Variants in KALRN observed in about 807,000 individuals in gnomAD.
KALRN encodes the protein kalirin RhoGEF kinase.
A neutral mutation model predicts 353.7 loss-of-function variants in KALRN; 70 were observed. That is an observed-to-expected ratio of 0.20 (90% CI 0.16 to 0.24). The LOEUF (loss-of-function observed/expected upper bound fraction) is 0.24. Ranked by LOEUF, KALRN falls within the 10% of genes least tolerant of loss-of-function variation. KALRN has a pLI of 1.00. For synonymous variants in KALRN, 1,391 were observed against 1,434.8 expected, an observed-to-expected ratio of 0.97 and a Z score of 0.69; for missense variants, 2,791 against 3,756.7, an observed-to-expected ratio of 0.74 and a Z score of 6.72.
At chr3:124,518,792 A>G (rs1237624629) in intron 33 of KALRN, 4 of 1,248,668 alleles carry the variant, frequency 3.2e-6, no homozygotes, top group South Asian at 4.4e-5. Flanking sequence ...AACAGCAGGT[A>G]CGCCCAGGCT....
At chr3:124,038,429 A>T (rs886955295) in intron 1 of KALRN, among the ~76,000 whole-genome samples, 2 of 152,150 alleles carry the variant, frequency 1.3e-5, no homozygotes, top group African/African-American at 2.4e-5. Flanking sequence ...GTTTTTTGTT[A>T]GAGTCACAGC....
At chr3:124,217,532 A>G (rs1476848906) in intron 1 of KALRN, among the ~76,000 whole-genome samples, 3 of 152,122 alleles carry the variant, frequency 2.0e-5, no homozygotes, top group Non-Finnish European at 2.9e-5. Flanking sequence ...ACTTGAAAAC[A>G]ATACCAAAAA....
chr3:124,114,055 A>T (rs1418310279), intron 1 of KALRN, among the ~76,000 whole-genome samples: 1 of 152,142 alleles, frequency 6.6e-6, no homozygotes, highest in African/African-American at 2.4e-5. Context: ...GAGAAAGGTA[A>T]GAGAAAGGGT....
At chr3:124,078,911 T>C (rs2060394989) in intron 1 of KALRN, among the ~76,000 whole-genome samples, 1 of 152,222 alleles carries the variant, frequency 6.6e-6, no homozygotes, top group Non-Finnish European at 1.5e-5. Context: ...CCAACAGCTG[T>C]GGCTGGAGAC....
chr3:124,377,736 G>A (rs2086782976), intron 10 of KALRN, among the ~76,000 whole-genome samples: 2 of 152,112 alleles, frequency 1.3e-5, no homozygotes, highest in African/African-American at 4.8e-5. Context: ...AAGCATAACT[G>A]TTTAGGGTTA....
chr3:124,381,710 T>TTG (rs2087410192), intron 10 of KALRN, among the ~76,000 whole-genome samples: 1 of 152,204 alleles, frequency 6.6e-6, no homozygotes, highest in African/African-American at 2.4e-5. Context: ...GCCTACTCAT[T>TTG]TGTGTCTTGT....
intron 1 of KALRN, among the ~76,000 whole-genome samples, chr3:124,179,658 G>A (rs532460780): frequency 3.9e-5 from 6 of 152,300 alleles, no homozygotes; most frequent in East Asian, 1.9e-4. Context: ...CACCACATAC[G>A]TGAGTAATGT....
intron 37 of KALRN, among the ~76,000 whole-genome samples, chr3:124,643,535 G>T (rs746513654): frequency 6.6e-6 from 1 of 152,214 alleles, no homozygotes; most frequent in Non-Finnish European, 1.5e-5. Context: ...AGACTGGAGT[G>T]CAGTGGCTTG....
intron 18 of KALRN, 44 bp downstream of exon 18, chr3:124,439,081 G>C (rs992172198): frequency 6.3e-7 from 1 of 1,587,964 alleles, no homozygotes; most frequent in Admixed American, 1.7e-5. Context: ...CCTGGCCTTG[G>C]CCGCCTTGTT....
At chr3:124,540,052 G>A (rs139236053) in intron 33 of KALRN, among the ~76,000 whole-genome samples, 6,216 of 152,064 alleles carry the variant, frequency 0.041, 155 homozygotes, top group Admixed American at 0.065. Context: ...TGGGATTACA[G>A]GTGCCTGCCA....
chr3:124,701,174 C>T (rs753547466), intron 56 of KALRN, among the ~76,000 whole-genome samples: 22 of 152,150 alleles, frequency 1.4e-4, no homozygotes, highest in Non-Finnish European at 2.8e-4. Flanking sequence ...GACACAAATG[C>T]GTATTGCTGT....
intron 1 of KALRN, among the ~76,000 whole-genome samples, chr3:124,102,923 C>T (rs1207837707): frequency 1.3e-5 from 2 of 152,184 alleles, no homozygotes; most frequent in Non-Finnish European, 2.9e-5. Context: ...TTATGCCTTT[C>T]TGAGATAGAT....
intron 7 of KALRN, among the ~76,000 whole-genome samples, chr3:124,329,059 C>T (rs1260858619): frequency 2.0e-5 from 3 of 152,162 alleles, no homozygotes; most frequent in Admixed American, 6.5e-5. Context: ...ACAGACAGAA[C>T]GATTCCAGAC....
chr3:124,126,197 T>C (rs1391371518), intron 1 of KALRN, among the ~76,000 whole-genome samples: 3 of 151,960 alleles, frequency 2.0e-5, no homozygotes, highest in Non-Finnish European at 1.5e-5. Flanking sequence ...TGTTTTTTTT[T>C]CTCTATTAAA....
chr3:124,115,845 G>A (rs1398111937), intron 1 of KALRN, among the ~76,000 whole-genome samples: 1 of 152,150 alleles, frequency 6.6e-6, no homozygotes, highest in East Asian at 1.9e-4. Context: ...GAAGCTTCAT[G>A]AATTTAAATT....
chr3:124,695,230 T>C (rs1239078451), intron 53 of KALRN, among the ~76,000 whole-genome samples: 2 of 148,536 alleles, frequency 1.3e-5, no homozygotes, highest in African/African-American at 5.0e-5. Context: ...CTCCCAATCA[T>C]TGTGTCAGCA....
intron 34 of KALRN, among the ~76,000 whole-genome samples, chr3:124,575,373 A>C (rs911024334): frequency 1.3e-5 from 2 of 152,162 alleles, no homozygotes; most frequent in Non-Finnish European, 2.9e-5. Flanking sequence ...CTCAGTTCAG[A>C]ATGTTCCAGT....
intron 1 of KALRN, among the ~76,000 whole-genome samples, chr3:124,176,396 G>T (rs1365836255): frequency 6.6e-6 from 1 of 152,176 alleles, no homozygotes; most frequent in Non-Finnish European, 1.5e-5. Flanking sequence ...GTAAAATCCT[G>T]GATTGGCTTC....
At chr3:124,303,849 T>G (rs775603916) in intron 6 of KALRN, among the ~76,000 whole-genome samples, 8 of 151,978 alleles carry the variant, frequency 5.3e-5, no homozygotes, top group Non-Finnish European at 1.2e-4. Flanking sequence ...TCAGACCAGT[T>G]GCAGAAAAAA....
Sources: allele counts gnomAD v4.1 joint callset (sites outside exome capture counted in the v4.1 genomes callset), GRCh38; gene constraint gnomAD v4.1.1; transcripts MANE v1.5; gene names NCBI Gene and HGNC (gene_info 2026-07-23, HGNC 2026-07-21).